CCSER1: variants seen among roughly 807,000 people sequenced by gnomAD.
CCSER1 encodes serine-rich coiled-coil domain-containing protein 1.
In CCSER1, 41 loss-of-function variants were observed where a neutral mutation model predicts 82.0. The observed-to-expected ratio is 0.50, with a 90% CI of 0.39 to 0.65. The LOEUF is 0.65. Ranked by LOEUF, CCSER1 falls within the 30% of genes least tolerant of loss-of-function variation. The pLI is 0.00. For synonymous variants in CCSER1, 414 were observed against 383.9 expected (o/e 1.08, Z -0.92); for missense variants, 1,119 against 1,064.2 (o/e 1.05, Z -0.72).
chr4:90,786,002 C>A (rs897199285), intron 7 of CCSER1, among the ~76,000 whole-genome samples: 1 of 152,162 alleles, frequency 6.6e-6, no homozygotes, highest in East Asian at 1.9e-4. Flanking sequence ...TTTACCTTCT[C>A]CCTATTCTCT....
chr4:90,442,546 G>A (rs1760044819), intron 4 of CCSER1, among the ~76,000 whole-genome samples: 1 of 152,170 alleles, frequency 6.6e-6, no homozygotes, highest in Non-Finnish European at 1.5e-5. Flanking sequence ...GGTATTAAGT[G>A]TTTTGGAGAA....
chr4:90,732,971 G>T (rs77437086), intron 7 of CCSER1, among the ~76,000 whole-genome samples: 8,789 of 152,178 alleles, frequency 0.058, 308 homozygotes, highest in East Asian at 0.16. Flanking sequence ...TGACTGCTAC[G>T]AATAGTGCTA....
At chr4:90,650,411 A>G (rs1728531184) in intron 6 of CCSER1, among the ~76,000 whole-genome samples, 1 of 152,200 alleles carries the variant, frequency 6.6e-6, no homozygotes, top group African/African-American at 2.4e-5. Context: ...ATGTTAAGAT[A>G]GTAACAGGAT....
intron 8 of CCSER1, among the ~76,000 whole-genome samples, chr4:90,892,277 C>A (rs11940012): frequency 1.3e-5 from 2 of 151,690 alleles, no homozygotes; most frequent in Admixed American, 1.3e-4. Flanking sequence ...ATTTCTCATC[C>A]TGCTTTTATT....
intron 3 of CCSER1, among the ~76,000 whole-genome samples, chr4:90,359,823 A>G (rs1409530352): frequency 5.3e-5 from 8 of 149,982 alleles, no homozygotes; most frequent in African/African-American, 2.0e-4. Flanking sequence ...ATATATAGAT[A>G]TGTGTATATA....
At chr4:91,059,255 AG>A (rs1280300780) in intron 9 of CCSER1, among the ~76,000 whole-genome samples, 1 of 112,642 alleles carries the variant, frequency 8.9e-6, no homozygotes, top group Non-Finnish European at 1.9e-5. Context: ...TATATAATAA[AG>A]TTTTTTTTTT....
chr4:90,225,679 CT>C, intron 1 of CCSER1, among the ~76,000 whole-genome samples: 1 of 152,154 alleles, frequency 6.6e-6, no homozygotes, highest in East Asian at 1.9e-4. Flanking sequence ...GTCTCTCCTG[CT>C]TTTGGTATAG....
intron 1 of CCSER1, among the ~76,000 whole-genome samples, chr4:90,134,054 A>G (rs941108620): frequency 6.6e-6 from 1 of 152,176 alleles, no homozygotes. Context: ...CAACAATAGC[A>G]ATGACTGTAA....
intron 8 of CCSER1, among the ~76,000 whole-genome samples, chr4:90,848,141 T>G (rs551988046): frequency 1.3e-4 from 20 of 152,344 alleles, no homozygotes; most frequent in African/African-American, 4.8e-4. Context: ...ATTTGCTAAA[T>G]GTAAACACTA....
At chr4:91,079,201 G>T (rs1722392924) in intron 9 of CCSER1, among the ~76,000 whole-genome samples, 1 of 152,160 alleles carries the variant, frequency 6.6e-6, no homozygotes, top group Non-Finnish European at 1.5e-5. Context: ...ACAAAGGGAA[G>T]CCCATCAGAC....
In CCSER1 at chr4:91,329,218, AG is replaced by A. The variant is rs66529004; in HGVS notation, c.2217+243227del. On this transcript the variant is annotated intron_variant, in intron 10 of 10. Transcript: ENST00000509176. Reference sequence around the variant, plus strand: ...TGAAAAATAATACACTGAAATGTAAAGGGAAAAATATTTTGAACATATTGAT... The same window carrying A: ...TGAAAAATAATACACTGAAATGTAAAGGAAAAATATTTTGAACATATTGAT... Among the ~76,000 whole-genome samples, 98 of 47,460 alleles carry A rather than the reference AG, an allele frequency of 2.1e-3. 1 individual carries two copies. The East Asian group carries it at 0.036, about 17-fold the overall frequency. 31.1% of individuals were successfully genotyped at this position (47,460 alleles called of 152,430 possible).
intron 5 of CCSER1, among the ~76,000 whole-genome samples, chr4:90,560,229 G>C (rs1229714623): frequency 2.0e-5 from 3 of 152,006 alleles, no homozygotes; most frequent in African/African-American, 7.2e-5. Flanking sequence ...AGCGGCCAAG[G>C]GGGTATCCCT....
chr4:90,555,238 A>G (rs1292784908), intron 5 of CCSER1, among the ~76,000 whole-genome samples: 1 of 152,158 alleles, frequency 6.6e-6, no homozygotes, highest in Non-Finnish European at 1.5e-5. Flanking sequence ...TATACGACCC[A>G]GGAACAAGCC....
intron 5 of CCSER1, among the ~76,000 whole-genome samples, chr4:90,591,513 A>G (rs1782692457): frequency 1.3e-5 from 2 of 152,322 alleles, no homozygotes; most frequent in East Asian, 1.9e-4. Flanking sequence ...TAGAATGGCA[A>G]TCATTAAAAG....
At chr4:90,529,292 G>A (rs1189841875) in intron 5 of CCSER1, among the ~76,000 whole-genome samples, 1 of 152,034 alleles carries the variant, frequency 6.6e-6, no homozygotes, top group Non-Finnish European at 1.5e-5. Context: ...TTGGCTCACT[G>A]CAAACTCCGA....
In CCSER1 at chr4:90,985,688, T is replaced by A. The variant is rs139048090; in HGVS notation, c.2172+62241T>A. 1.8e-3 allele frequency among the ~76,000 whole-genome samples: 274 copies of A among 151,874 alleles called. 5 individuals are homozygous for A. The East Asian group carries it at 0.05, about 28-fold the overall frequency. Reference sequence around the variant, plus strand: ...TTTATTATACGTCATCTGAATGGCATGTCTCTTTGCTGCCATTCATTTCTA... The same window carrying A: ...TTTATTATACGTCATCTGAATGGCAAGTCTCTTTGCTGCCATTCATTTCTA... On this transcript the variant is annotated intron_variant, in intron 9 of 10. Transcript: ENST00000509176.
chr4:90,649,277 A>C (rs1387991114), intron 6 of CCSER1, among the ~76,000 whole-genome samples: 1 of 152,180 alleles, frequency 6.6e-6, no homozygotes, highest in Non-Finnish European at 1.5e-5. Flanking sequence ...GGAAGCTAAG[A>C]AGAGAGAGGC....
intron 1 of CCSER1, among the ~76,000 whole-genome samples, chr4:90,305,006 T>TCCTGGGTTC (rs1490496127): frequency 3.3e-5 from 5 of 151,944 alleles, no homozygotes; most frequent in South Asian, 2.1e-4. Context: ...AACCTCCGCT[T>TCCTGGGTTC]CCTGGGTTCA....
intron 1 of CCSER1, among the ~76,000 whole-genome samples, chr4:90,268,695 C>T (rs1306933968): frequency 6.6e-6 from 1 of 151,990 alleles, no homozygotes; most frequent in Non-Finnish European, 1.5e-5. Context: ...TAAGTCCTTA[C>T]TTATCAATGA....
Sources: allele counts gnomAD v4.1 joint callset (sites outside exome capture counted in the v4.1 genomes callset), GRCh38; gene constraint gnomAD v4.1.1; transcripts MANE v1.5; gene names NCBI Gene and HGNC (gene_info 2026-07-23, HGNC 2026-07-21).